Variants in RASSF8 observed in about 807,000 individuals in gnomAD.
The protein encoded by RASSF8 is Ras association domain family member 8.
RASSF8 carries 22 observed loss-of-function variants against 48.5 expected under a neutral mutation model. That is an observed-to-expected ratio of 0.45 (90% confidence interval 0.32 to 0.65). The LOEUF is 0.65. RASSF8 is among the 30% of genes least tolerant of loss of function. RASSF8 has a pLI of 0.03. For missense variants in RASSF8, 418 were observed against 489.2 expected (o/e 0.85, Z 1.37); for synonymous variants, 127 against 171.5 (o/e 0.74, Z 2.03).
At chr12:26,024,930 G>A (rs1053825389) in intron 2 of RASSF8, among the ~76,000 whole-genome samples, 1 of 152,068 alleles carries the variant, frequency 6.6e-6, no homozygotes, top group Non-Finnish European at 1.5e-5. Context: ...GCACTCCAAA[G>A]CCTGGGCAAC....
At chr12:25,998,338 T>C (rs544307457) in intron 2 of RASSF8, among the ~76,000 whole-genome samples, 235 of 150,646 alleles carry the variant, frequency 1.6e-3, no homozygotes, top group African/African-American at 5.6e-3. Flanking sequence ...ATATTGTTTC[T>C]GAAGACAAAG....
chr12:26,046,733 T>A (rs893488330), intron 2 of RASSF8, among the ~76,000 whole-genome samples: 2 of 152,214 alleles, frequency 1.3e-5, no homozygotes, highest in African/African-American at 4.8e-5. Context: ...GTAAGAATTC[T>A]TGTTGCTAGA....
At chr12:26,063,723 T>A (rs1943798554) in intron 3 of RASSF8, among the ~76,000 whole-genome samples, 1 of 150,804 alleles carries the variant, frequency 6.6e-6, no homozygotes, top group Non-Finnish European at 1.5e-5. Flanking sequence ...TTAACAATAT[T>A]TTGCTTTGAG....
At chr12:26,073,860 ATT>A (rs1288925611), downstream of RASSF8, among the ~76,000 whole-genome samples, 11 of 151,552 alleles carry the variant, frequency 7.3e-5, no homozygotes, top group Non-Finnish European at 1.3e-4. Context: ...ATATATATAT[ATT>A]TAGCCAAAGT....
chr12:26,020,206 G>C (rs1942755116), intron 2 of RASSF8: 1 of 152,136 alleles, frequency 6.6e-6, no homozygotes, highest in Non-Finnish European at 1.5e-5. Flanking sequence ...AGATTAGAGT[G>C]ACGTGGTCAC....
intron 2 of RASSF8, among the ~76,000 whole-genome samples, chr12:26,004,560 T>C (rs1369048325): frequency 6.6e-6 from 1 of 152,310 alleles, no homozygotes; most frequent in African/African-American, 2.4e-5. Flanking sequence ...TTAACACATA[T>C]TTTGTATGTT....
At chr12:26,043,015 CT>C (rs1233802188) in intron 2 of RASSF8, among the ~76,000 whole-genome samples, 1 of 152,162 alleles carries the variant, frequency 6.6e-6, no homozygotes, top group African/African-American at 2.4e-5. Context: ...AGCATAAACT[CT>C]GTTTGTTTCC....
At chr12:26,064,452 AT>A (rs748618003) in intron 3 of RASSF8, 45 bp from the exon 4 acceptor site, 17 of 1,462,348 alleles carry the variant, frequency 1.2e-5, no homozygotes, top group Admixed American at 2.3e-5. Context: ...TTTTTTAACT[AT>A]TACATATCCC....
intron 1 of RASSF8, among the ~76,000 whole-genome samples, chr12:25,981,469 A>G (rs1941742569): frequency 6.6e-6 from 1 of 152,180 alleles, no homozygotes; most frequent in South Asian, 2.1e-4. Flanking sequence ...TTCCTCGTAG[A>G]CAAAGAACGA....
rs1268913234 is a variant in RASSF8, at chr12:26,068,716, G to T, written c.1158G>T (p.Gly386=). The stretch of plus-strand genomic sequence containing the variant: ...GTTTAGAGGCACCATTCCAGTCTGG[G>T]TCCCTGAAGCGACCTGGTTCATCTC... The part of the protein sequence containing the change: ...DIEREAPFQS[G]SLKRPGSSRQ... The change falls in exon 6 of 6, where the codon GGG becomes GGT. Residue 386 remains glycine (G), a synonymous_variant. Coordinates refer to ENST00000689635, the MANE Select transcript of RASSF8 (RefSeq NM_001394098.1). 6.5e-7 allele frequency: 1 copy of T among 1,537,336 alleles called. No individual in the cohort carries two copies. The highest frequency in any genetic ancestry group is 2.0e-5 in the Admixed American group (1 of 50,988).
chr12:25,963,343 A>G lies in RASSF8; in HGVS notation c.-203+4195A>G, dbSNP rs942752650. The stretch of plus-strand genomic sequence containing the variant: ...AGCCAAAAAAAAAAAAAAAAAAAAA[A>G]GTCTCATGACCTTCCAAGGCCAAGG... On this transcript the variant is annotated intron_variant, in intron 1 of 5. Transcript: ENST00000689635. Among the ~76,000 whole-genome samples, 396 of 141,294 alleles carry G rather than the reference A, an allele frequency of 2.8e-3. 1 individual carries two copies. The highest frequency in any genetic ancestry group is 4.7e-3 in the Non-Finnish European group (305 of 64,524). 92.7% of individuals were successfully genotyped at this position (141,294 alleles called of 152,430 possible). A position where few individuals can be genotyped will look rare whatever the true frequency, so the allele number is the denominator to read the frequency against.
intron 1 of RASSF8, among the ~76,000 whole-genome samples, chr12:25,990,144 A>G (rs971913030): frequency 7.2e-5 from 11 of 152,198 alleles, no homozygotes; most frequent in Non-Finnish European, 1.2e-4. Context: ...TCAACTTTGT[A>G]TAACCTGTAT....
At chr12:26,004,987 T>C (rs1942352767) in intron 2 of RASSF8, among the ~76,000 whole-genome samples, 1 of 150,700 alleles carries the variant, frequency 6.6e-6, no homozygotes, top group African/African-American at 2.4e-5. Flanking sequence ...GACCCTGTCT[T>C]TACAAAAAGT....
At chr12:26,005,940 C>A (rs1942380472) in intron 2 of RASSF8, among the ~76,000 whole-genome samples, 1 of 152,232 alleles carries the variant, frequency 6.6e-6, no homozygotes, top group African/African-American at 2.4e-5. Flanking sequence ...GGTTTTTCAT[C>A]TGTCTTTGTC....
intron 1 of RASSF8, among the ~76,000 whole-genome samples, chr12:25,983,254 G>GAAA (rs61662689): frequency 6.6e-6 from 1 of 151,768 alleles, no homozygotes; most frequent in Non-Finnish European, 1.5e-5. Flanking sequence ...AAAAAAATCT[G>GAAA]AAACTAAATA....
At position 26,072,556 on chromosome 12, in the gene RASSF8, T is replaced by C. The variant is rs1944021434; in HGVS notation, c.*3738T>C. 1.0e-6 allele frequency: 1 copy of C among 984,856 alleles called. No individual in the cohort carries two copies. Among genetic ancestry groups the C allele is most frequent in the Admixed American group, 6.2e-5 (1 of 16,252 alleles). The allele number at this position is 984,856 out of a possible 1,614,324, so 61.0% of individuals were successfully genotyped here. ...TGGGGGGAGGGGAAAGATTAAAAAA[T>C]AGATTTACAGCCAGACATGGTGATA... On this transcript the variant is annotated 3_prime_UTR_variant, in exon 6 of 6. Transcript: ENST00000689635.
chr12:26,052,670 A>G (rs1326099516), intron 2 of RASSF8: 1 of 152,162 alleles, frequency 6.6e-6, no homozygotes, highest in Non-Finnish European at 1.5e-5. Flanking sequence ...AGTTGATATA[A>G]AGATCAGGGT....
intron 2 of RASSF8, among the ~76,000 whole-genome samples, chr12:26,053,165 T>C (rs1943529143): frequency 7.1e-6 from 1 of 141,472 alleles, no homozygotes; most frequent in Non-Finnish European, 1.5e-5. Context: ...AATGGATAGA[T>C]CTTATGTTTT....
At chr12:26,060,383 T>C (rs1052330644) in intron 3 of RASSF8, among the ~76,000 whole-genome samples, 1 of 152,178 alleles carries the variant, frequency 6.6e-6, no homozygotes, top group Admixed American at 6.5e-5. Context: ...TTCTAAGATA[T>C]ACTGTGGGGT....
Sources: gnomAD v4.1 joint callset for allele counts (sites outside exome capture counted in the v4.1 genomes callset) on GRCh38, gnomAD v4.1.1 for gene constraint, MANE v1.5 for transcripts, NCBI Gene and HGNC (gene_info 2026-07-23, HGNC 2026-07-21) for gene names.